Variants in ANGPT4 observed in about 807,000 individuals in gnomAD.
The protein encoded by ANGPT4 is angiopoietin-4.
ANGPT4 carries 50 observed loss-of-function variants against 53.0 expected under a neutral mutation model. That is an observed-to-expected ratio of 0.94 (90% confidence interval 0.75 to 1.20). ANGPT4 has a LOEUF of 1.20. ANGPT4 is among the 50% of genes most tolerant of loss of function. The pLI is 0.00. For missense variants in ANGPT4, 648 were observed against 637.1 expected, an observed-to-expected ratio of 1.02 and a Z score of -0.18; for synonymous variants, 251 against 259.7, an observed-to-expected ratio of 0.97 and a Z score of 0.32.
chr20:909,610 T>G (rs1000034916), intron 1 of ANGPT4, among the ~76,000 whole-genome samples: 4 of 152,222 alleles, frequency 2.6e-5, no homozygotes, highest in African/African-American at 7.2e-5. Flanking sequence ...GCCCCACATG[T>G]GCATTGCCTC....
At chr20:905,050 C>T (rs1371817688) in intron 1 of ANGPT4, among the ~76,000 whole-genome samples, 2 of 152,158 alleles carry the variant, frequency 1.3e-5, no homozygotes, top group Non-Finnish European at 2.9e-5. Context: ...CAATACGCAT[C>T]CACACCTCCC....
rs755540821 is a variant in ANGPT4 at position 915,944 on chromosome 20, C to T, written c.271G>A (p.Glu91Lys). Residue 91 changes from glutamate (E) to lysine (K), a missense_variant, in exon 1 of 9, where the codon GAG becomes AAG. By Grantham distance (56) the Glu-to-Lys change is moderately conservative (BLOSUM62 1). Transcript: ENST00000381922. Reference sequence around the variant, plus strand: ...TGCGTGTTGTTCTGCAGTGCCTGCTCCAGCTGTTTCACCTGCTGGGTGGGC... The same window carrying T: ...TGCGTGTTGTTCTGCAGTGCCTGCTTCAGCTGTTTCACCTGCTGGGTGGGC... ...KLPTQQVKQLEQALQNNTQWL... is the reference protein window; with the variant it reads ...KLPTQQVKQLKQALQNNTQWL... 3.1e-6 allele frequency: 5 copies of T among 1,604,422 alleles called. No homozygotes were observed. The highest frequency in any genetic ancestry group is 1.3e-5 in the African/African-American group (1 of 74,924).
chr20:888,256 G>A (rs1273313225), intron 3 of ANGPT4, 62 bp downstream of exon 3: 2 of 1,557,322 alleles, frequency 1.3e-6, no homozygotes, highest in Non-Finnish European at 1.7e-6. Context: ...GCCTGCCCTA[G>A]GTCCTAAACT....
chr20:903,282 C>G (rs1982355027), intron 1 of ANGPT4, among the ~76,000 whole-genome samples: 1 of 152,178 alleles, frequency 6.6e-6, no homozygotes, highest in African/African-American at 2.4e-5. Flanking sequence ...TCTAGTTGTT[C>G]AGACCCAGCC....
chr20:904,449 G>A (rs879742597), intron 1 of ANGPT4, among the ~76,000 whole-genome samples: 2 of 152,144 alleles, frequency 1.3e-5, no homozygotes, highest in African/African-American at 2.4e-5. Flanking sequence ...GGCCTCCATT[G>A]TTTGCTCATC....
intron 1 of ANGPT4, among the ~76,000 whole-genome samples, chr20:905,293 G>C (rs1490369765): frequency 6.6e-6 from 1 of 152,236 alleles, no homozygotes; most frequent in Non-Finnish European, 1.5e-5. Context: ...GCAGAGGTTT[G>C]TCTGCCCTGT....
In ANGPT4 at chr20:872,854, T is replaced by C. The variant is rs1010240188; in HGVS notation, c.*106A>G. 2 of 1,425,594 alleles carry C rather than the reference T, an allele frequency of 1.4e-6. No individual in the cohort carries two copies. The highest frequency in any genetic ancestry group is 1.9e-6 in the Non-Finnish European group (2 of 1,041,910). The allele number at this position is 1,425,594 out of a possible 1,614,324, so 88.3% of individuals were successfully genotyped here. On this transcript the variant is annotated 3_prime_UTR_variant, in exon 9 of 9. Transcript: ENST00000381922. Reference sequence around the variant, plus strand: ...GAGGGCTGGCTCAGGAAGCCCAGGGTGTCAGGGAAGGCGGTGGCACAGTGT... The same window carrying C: ...GAGGGCTGGCTCAGGAAGCCCAGGGCGTCAGGGAAGGCGGTGGCACAGTGT...
At position 890,228 on chromosome 20, in the gene ANGPT4, G is replaced by A. The variant is rs763225404; in HGVS notation, c.450C>T (p.Thr150=). ...NQTTAQIRKL[T]DMEAQLLNQT... ...CCTCTGTTACCTGAGCCTCCATGTCGGTCAGCTTGCGGATCTGGGCAGTGG... is the reference window on the plus strand; with the variant it reads ...CCTCTGTTACCTGAGCCTCCATGTCAGTCAGCTTGCGGATCTGGGCAGTGG... The change falls in exon 2 of 9, where the codon ACC becomes ACT. Residue 150 remains threonine, a synonymous_variant. Transcript: ENST00000381922. 34 of 1,613,560 alleles carry A rather than the reference G, an allele frequency of 2.1e-5. No individual in the cohort carries two copies. Among genetic ancestry groups the A allele is most frequent in the Admixed American group, 1.8e-4 (11 of 59,982 alleles).
chr20:901,227 G>A (rs1982272990), intron 1 of ANGPT4, among the ~76,000 whole-genome samples: 1 of 152,166 alleles, frequency 6.6e-6, no homozygotes, highest in Admixed American at 6.5e-5. Flanking sequence ...AGACAGGAAT[G>A]TCAGGCCTCT....
At chr20:915,573 C>G (rs1193866575) in intron 1 of ANGPT4, among the ~76,000 whole-genome samples, 1 of 152,156 alleles carries the variant, frequency 6.6e-6, no homozygotes, top group Non-Finnish European at 1.5e-5. Context: ...AGTAGATTAT[C>G]TCTTACTGCC....
At chr20:889,475 G>A (rs1291276020) in intron 2 of ANGPT4, among the ~76,000 whole-genome samples, 1 of 152,160 alleles carries the variant, frequency 6.6e-6, no homozygotes, top group Non-Finnish European at 1.5e-5. Flanking sequence ...AACACAGTGG[G>A]AAGTATTTGT....
chr20:895,434 G>A (rs989866742), intron 1 of ANGPT4, among the ~76,000 whole-genome samples: 6 of 152,200 alleles, frequency 3.9e-5, no homozygotes, highest in Non-Finnish European at 5.9e-5. Flanking sequence ...GGAGACTACT[G>A]TGTTTCTCTG....
intron 1 of ANGPT4, among the ~76,000 whole-genome samples, chr20:899,332 CCA>C (rs1982186208): frequency 6.6e-6 from 1 of 151,920 alleles, no homozygotes; most frequent in Admixed American, 6.6e-5. Context: ...ACTGCAAGCT[CCA>C]TCTCCCAGGT....
At chr20:897,423 C>T (rs1467959114) in intron 1 of ANGPT4, among the ~76,000 whole-genome samples, 1 of 152,348 alleles carries the variant, frequency 6.6e-6, no homozygotes, top group Non-Finnish European at 1.5e-5. Context: ...ACCCTTCAAT[C>T]TCCCTGTCCT....
At chr20:881,548 G>A (rs1445613607) in intron 4 of ANGPT4, among the ~76,000 whole-genome samples, 1 of 152,192 alleles carries the variant, frequency 6.6e-6, no homozygotes, top group Non-Finnish European at 1.5e-5. Flanking sequence ...GGTAGGAAGG[G>A]CCCTAGTGTG....
chr20:880,939 C>T (rs1279658310), intron 5 of ANGPT4, among the ~76,000 whole-genome samples: 1 of 152,214 alleles, frequency 6.6e-6, no homozygotes, highest in Non-Finnish European at 1.5e-5. Flanking sequence ...TGTGCTGTTC[C>T]AGTTAAAGCA....
In ANGPT4 at chr20:881,264, C is replaced by T. The variant is rs749967378; in HGVS notation, c.858G>A (p.Gln286=). The change falls in exon 5 of 9, where the codon CAG becomes CAA. Residue 286 remains glutamine, a synonymous_variant. Transcript: ENST00000381922. ...GGATCTCTGCACAGTCCTGGAACAC[C>T]TGCTCACCTGCCATTATGAAGGCTG... ...SAPAFIMAGE[Q]VFQDCAEIQR... 3.1e-6 allele frequency: 5 copies of T among 1,614,206 alleles called. No individual in the cohort carries two copies. Among genetic ancestry groups the T allele is most frequent in the Non-Finnish European group, 4.2e-6 (5 of 1,180,040 alleles).
At chr20:915,578 A>G (rs559207833) in intron 1 of ANGPT4, among the ~76,000 whole-genome samples, 239 of 152,120 alleles carry the variant, frequency 1.6e-3, no homozygotes, top group African/African-American at 5.4e-3. Flanking sequence ...ATTATCTCTT[A>G]CTGCCTCTTT....
rs59076723 is a variant in ANGPT4, at chr20:892,594, CA to C, written c.310-2227del. ...TGGGTAACAGAGTGAGACCGTGTCT[CA>C]AAAAAAAAAAAAAAGTATAGAGAAT... On this transcript the variant is annotated intron_variant, in intron 1 of 8. Transcript: ENST00000381922. Among the ~76,000 whole-genome samples the C allele has an allele frequency of 8.0e-3, 1,051 of 131,690 alleles. 7 individuals carry two copies. Among genetic ancestry groups the C allele is most frequent in the African/African-American group, 9.0e-3 (315 of 35,126 alleles). The allele number at this position is 131,690 out of a possible 152,430, so 86.4% of individuals were successfully genotyped here. A position where few individuals can be genotyped will look rare whatever the true frequency, so the allele number is the denominator to read the frequency against.
Sources: allele counts gnomAD v4.1 joint callset (sites outside exome capture counted in the v4.1 genomes callset), GRCh38; gene constraint gnomAD v4.1.1; transcripts MANE v1.5; gene names NCBI Gene and HGNC (gene_info 2026-07-23, HGNC 2026-07-21).